Variants in EYS observed in about 807,000 individuals in gnomAD.
EYS encodes the protein protein eyes shut homolog.
A neutral mutation model predicts 282.1 loss-of-function variants in EYS; 250 were observed. That is an observed-to-expected ratio of 0.89 (90% CI 0.80 to 0.98). The LOEUF is 0.98. Among genes scored for constraint, EYS ranks in the 50% least tolerant of loss-of-function variants. The pLI is 0.00. For missense variants in EYS, 4,016 were observed against 3,709.0 expected (o/e 1.08, Z -2.15); for synonymous variants, 1,355 against 1,282.9 (o/e 1.06, Z -1.20).
chr6:64,307,065 C>A lies in EYS; in HGVS notation c.6096G>T (p.Lys2032Asn), dbSNP rs1769478416. ...TAACTTCTATGCAGCCAGTAAAATTCTTGACTGGTACAGGCATCTGAGAGA... is the reference window on the plus strand; with the variant it reads ...TAACTTCTATGCAGCCAGTAAAATTATTGACTGGTACAGGCATCTGAGAGA... ...HGKIQMPVPV[K>N]NFTGCIEVIE... is the part of the protein sequence containing the mutation. Residue 2032 changes from lysine to asparagine, a missense_variant, in exon 30 of 43, where the codon AAG becomes AAT. Coordinates refer to ENST00000503581, the MANE Select transcript of EYS (RefSeq NM_001142800.2). 1.3e-6 allele frequency: 2 copies of A among 1,496,110 alleles called. No homozygotes were observed. Among genetic ancestry groups the A allele is most frequent in the South Asian group, 1.2e-5 (1 of 82,632 alleles). The allele number at this position is 1,496,110 out of a possible 1,614,324, so 92.7% of individuals were successfully genotyped here.
chr6:65,613,374 T>C (rs1419289323), intron 2 of EYS, among the ~76,000 whole-genome samples: 2 of 151,836 alleles, frequency 1.3e-5, no homozygotes, highest in Non-Finnish European at 3.0e-5. Flanking sequence ...AGCAATCTTG[T>C]CAATAATTCA....
chr6:63,872,246 G>C lies in EYS; in HGVS notation c.7056-7888C>G, dbSNP rs181078359. Among the ~76,000 whole-genome samples, 6 of 152,066 alleles carry C rather than the reference G, an allele frequency of 3.9e-5. No individual in the cohort carries two copies. The East Asian group carries it at 1.2e-3, about 29-fold the overall frequency. On this transcript the variant is annotated intron_variant, in intron 35 of 42. Transcript: ENST00000503581. Reference sequence around the variant, plus strand: ...TTCTTCTTTCCCAGTCTTGGACTGGGGTATCACAGTGAACTTTTCTGTCAC... The same window carrying C: ...TTCTTCTTTCCCAGTCTTGGACTGGCGTATCACAGTGAACTTTTCTGTCAC...
chr6:64,884,249 C>A (rs2150061802), intron 19 of EYS, among the ~76,000 whole-genome samples: 1 of 151,624 alleles, frequency 6.6e-6, no homozygotes, highest in South Asian at 2.1e-4. Flanking sequence ...CAAATTTTAA[C>A]ACATTTAATA....
chr6:65,394,645 G>A (rs1483659129), intron 7 of EYS, among the ~76,000 whole-genome samples: 1 of 152,032 alleles, frequency 6.6e-6, no homozygotes, highest in African/African-American at 2.4e-5. Context: ...TACCTTTGAG[G>A]CCATTAAAAT....
At chr6:64,160,697 G>A (rs1202084210) in intron 31 of EYS, among the ~76,000 whole-genome samples, 2 of 152,058 alleles carry the variant, frequency 1.3e-5, no homozygotes, top group Non-Finnish European at 2.9e-5. Flanking sequence ...TTTGGCCATG[G>A]GACGTTGAAG....
chr6:64,705,722 C>T lies in EYS; in HGVS notation c.3444-79477G>A, dbSNP rs867275669. On this transcript the variant is annotated intron_variant, in intron 22 of 42. Transcript: ENST00000503581. ...AATCGTCATTCTCAGTAAACTATCG[C>T]AAGAACAAAAAACCAAACACCGCAT... Among the ~76,000 whole-genome samples the T allele has an allele frequency of 4.0e-5, 6 of 150,532 alleles. No individual in the cohort carries two copies. The South Asian group carries it at 8.5e-4, about 21-fold the overall frequency.
chr6:65,132,021 G>A (rs925861189), intron 12 of EYS, among the ~76,000 whole-genome samples: 28 of 152,120 alleles, frequency 1.8e-4, no homozygotes, highest in African/African-American at 6.7e-4. Flanking sequence ...GAAGTAGGAA[G>A]GAGTTGATTC....
At chr6:64,026,060 C>T (rs565820020) in intron 33 of EYS, among the ~76,000 whole-genome samples, 13 of 152,190 alleles carry the variant, frequency 8.5e-5, no homozygotes, top group Admixed American at 4.6e-4. Context: ...CCATGTGGTC[C>T]GGGAGGAAAA....
At chr6:64,048,493 A>G (rs1770701650) in intron 33 of EYS, among the ~76,000 whole-genome samples, 1 of 152,124 alleles carries the variant, frequency 6.6e-6, no homozygotes, top group Admixed American at 6.6e-5. Context: ...TAGAAAAGCT[A>G]AAGTTGTAGA....
intron 14 of EYS, among the ~76,000 whole-genome samples, chr6:64,960,062 T>C (rs1769861404): frequency 6.6e-6 from 1 of 152,042 alleles, no homozygotes; most frequent in Non-Finnish European, 1.5e-5. Flanking sequence ...TTAATGCCTT[T>C]CAATTGAATA....
chr6:65,367,509 T>C (rs1434344543), intron 8 of EYS, among the ~76,000 whole-genome samples: 2 of 151,742 alleles, frequency 1.3e-5, no homozygotes, highest in Non-Finnish European at 2.9e-5. Context: ...AATGTCTATA[T>C]GTTTCCTTTA....
chr6:65,384,929 T>C (rs1468902235), intron 7 of EYS, among the ~76,000 whole-genome samples: 4 of 151,890 alleles, frequency 2.6e-5, no homozygotes, highest in Non-Finnish European at 5.9e-5. Flanking sequence ...CAGTGGATGA[T>C]AACGGTCTAG....
intron 12 of EYS, among the ~76,000 whole-genome samples, chr6:65,101,207 T>C (rs892341682): frequency 6.6e-6 from 1 of 151,138 alleles, no homozygotes. Flanking sequence ...ACCGTTCAAG[T>C]AAGCCTTAGT....
chr6:65,305,354 T>C (rs1166308760), intron 11 of EYS, among the ~76,000 whole-genome samples: 1 of 152,176 alleles, frequency 6.6e-6, no homozygotes, highest in Non-Finnish European at 1.5e-5. Context: ...ATTACCTGAG[T>C]TTGAAATGGA....
chr6:64,781,205 T>C (rs1386358407), intron 22 of EYS, among the ~76,000 whole-genome samples: 1 of 151,812 alleles, frequency 6.6e-6, no homozygotes, highest in African/African-American at 2.4e-5. Context: ...ATAATGAACA[T>C]TTTTTTTAGA....
chr6:65,484,696 T>C (rs1056073507), intron 5 of EYS, among the ~76,000 whole-genome samples: 6 of 152,174 alleles, frequency 3.9e-5, no homozygotes, highest in South Asian at 2.1e-4. Flanking sequence ...TTATGAGTTA[T>C]GTCTATGTTA....
intron 12 of EYS, among the ~76,000 whole-genome samples, chr6:65,232,505 A>C (rs1562038868): frequency 6.6e-6 from 1 of 152,188 alleles, no homozygotes; most frequent in African/African-American, 2.4e-5. Context: ...TTTATGCCTC[A>C]GTCTCATGCT....
intron 29 of EYS, among the ~76,000 whole-genome samples, chr6:64,334,571 T>C (rs570942600): frequency 7.9e-4 from 121 of 152,280 alleles, no homozygotes; most frequent in Middle Eastern, 3.4e-3. Context: ...CTTATTTATA[T>C]GTTAAACCAC....
intron 26 of EYS, among the ~76,000 whole-genome samples, chr6:64,522,830 G>A (rs1156569502): frequency 1.3e-5 from 2 of 151,776 alleles, no homozygotes; most frequent in African/African-American, 4.8e-5. Flanking sequence ...ATCATTAAGT[G>A]TATCTGAATG....
Sources: gnomAD v4.1 joint callset for allele counts (sites outside exome capture counted in the v4.1 genomes callset) on GRCh38, gnomAD v4.1.1 for gene constraint, MANE v1.5 for transcripts, NCBI Gene and HGNC (gene_info 2026-07-23, HGNC 2026-07-21) for gene names.